Variants in PPHLN1 observed in about 807,000 individuals in gnomAD.
The protein encoded by PPHLN1 is periphilin 1.
In PPHLN1, 29 loss-of-function variants were observed where a neutral mutation model predicts 51.3. The ratio of observed to expected loss-of-function variants is 0.57; its 90% confidence interval spans 0.42 to 0.77. The LOEUF (loss-of-function observed/expected upper bound fraction) is 0.77. Among genes scored for constraint, PPHLN1 ranks in the 30% least tolerant of loss-of-function variants. The probability of loss-of-function intolerance (pLI) is 0.00; values close to 1 mark genes in which losing one functional copy is unlikely to be tolerated. For synonymous variants in PPHLN1, 147 were observed against 147.8 expected, an observed-to-expected ratio of 0.99 and a Z score of 0.04; for missense variants, 436 against 438.4, an observed-to-expected ratio of 0.99 and a Z score of 0.05.
chr12:42,356,106 T>C (rs1392953107), intron 4 of PPHLN1, among the ~76,000 whole-genome samples: 1 of 152,220 alleles, frequency 6.6e-6, no homozygotes, highest in East Asian at 1.9e-4. Context: ...ACAGTGGTGG[T>C]ATCGAAAGTT....
intron 2 of PPHLN1, among the ~76,000 whole-genome samples, chr12:42,351,012 G>A (rs560495972): frequency 2.7e-4 from 41 of 151,938 alleles, no homozygotes; most frequent in Non-Finnish European, 5.3e-4. Context: ...AGGGAGAGGG[G>A]GAGGGGAAGA....
At chr12:42,442,894 C>A (rs982002418), downstream of PPHLN1, 47 of 1,241,344 alleles carry the variant, frequency 3.8e-5, no homozygotes, top group Non-Finnish European at 4.9e-5. Flanking sequence ...GTTTCGCAGG[C>A]TCAATTAAGG....
intron 4 of PPHLN1, among the ~76,000 whole-genome samples, chr12:42,365,849 T>G (rs2075218008): frequency 6.6e-6 from 1 of 152,194 alleles, no homozygotes. Context: ...TAATCCTGGT[T>G]GTATTGTTAT....
intron 3 of PPHLN1, among the ~76,000 whole-genome samples, chr12:42,353,012 C>T (rs1425820711): frequency 1.3e-5 from 2 of 149,700 alleles, no homozygotes; most frequent in Non-Finnish European, 1.5e-5. Flanking sequence ...TTGCTTAAAC[C>T]TGGGAGGTGG....
intron 9 of PPHLN1, chr12:42,432,337 C>T: frequency 1.4e-6 from 1 of 739,200 alleles, no homozygotes; most frequent in East Asian, 2.5e-5. Flanking sequence ...GTAGGCATTC[C>T]ATTCTTAGCT....
chr12:42,360,824 A>G (rs964713458), intron 4 of PPHLN1, among the ~76,000 whole-genome samples: 3 of 151,942 alleles, frequency 2.0e-5, no homozygotes, highest in Admixed American at 2.0e-4. Flanking sequence ...TAGGCTGCAC[A>G]TGTTGTTTGT....
Position 42,338,363 on chromosome 12 carries a change from G to A in PPHLN1, c.72+2389G>A, listed in dbSNP as rs149554330. Among the ~76,000 whole-genome samples, 293 of 152,276 alleles carry A rather than the reference G, an allele frequency of 1.9e-3. 1 individual carries two copies. The highest frequency in any genetic ancestry group is 6.2e-3 in the African/African-American group (258 of 41,536). On this transcript the variant is annotated intron_variant, in intron 2 of 9. Transcript: ENST00000358314. ...ACTGGGGAAAGCAGGTTATTGTATC[G>A]ATTTAAGATTGTAAGATGAGTAGTG...
At chr12:42,439,659 A>G (rs2082777160) in intron 9 of PPHLN1, among the ~76,000 whole-genome samples, 1 of 152,148 alleles carries the variant, frequency 6.6e-6, no homozygotes, top group Admixed American at 6.5e-5. Flanking sequence ...GACTACAGAC[A>G]GTGCCATCAT....
At chr12:42,373,779 A>G (rs1357650568) in intron 4 of PPHLN1, among the ~76,000 whole-genome samples, 1 of 152,212 alleles carries the variant, frequency 6.6e-6, no homozygotes, top group Non-Finnish European at 1.5e-5. Flanking sequence ...GTATTTCTCA[A>G]TAAAGAAATT....
chr12:42,417,503 G>A (rs1669892), intron 9 of PPHLN1, among the ~76,000 whole-genome samples: 92,962 of 151,866 alleles, frequency 0.61, 28,633 homozygotes, highest in Admixed American at 0.67. Context: ...TTACATGTTG[G>A]TATGGAAGTC....
chr12:42,338,360 A>G (rs2071001427), intron 2 of PPHLN1, among the ~76,000 whole-genome samples: 1 of 152,208 alleles, frequency 6.6e-6, no homozygotes, highest in Admixed American at 6.5e-5. Context: ...AGGTTATTGT[A>G]TCGATTTAAG....
chr12:42,393,569 G>A lies in PPHLN1; in HGVS notation c.649-1G>A, dbSNP rs2077922223. On this transcript the variant is annotated splice_acceptor_variant, in intron 7 of 9. Transcript: ENST00000358314. LOFTEE classifies it high-confidence loss of function. Reference sequence around the variant, plus strand: ...TAACAGAAATGTTCTATTTTTATTAGGTGTTAGACAAACCCAGTAGGCTAA... The same window carrying A: ...TAACAGAAATGTTCTATTTTTATTAAGTGTTAGACAAACCCAGTAGGCTAA... 2 of 1,584,714 alleles carry A rather than the reference G, an allele frequency of 1.3e-6. No individual in the cohort carries two copies. The highest frequency in any genetic ancestry group is 1.7e-6 in the Non-Finnish European group (2 of 1,171,126).
chr12:42,398,544 C>T (rs1354778137), intron 8 of PPHLN1: 2 of 210,690 alleles, frequency 9.5e-6, no homozygotes, highest in African/African-American at 4.6e-5. Flanking sequence ...AAAGTAACAG[C>T]CTCACTTGCT....
chr12:42,444,780 C>G (rs2083208443), downstream of PPHLN1: 1 of 431,600 alleles, frequency 2.3e-6, no homozygotes, highest in Non-Finnish European at 4.1e-6. Flanking sequence ...TGACAAACTA[C>G]TTCAGTTCTT....
At chr12:42,399,304 C>CA in intron 9 of PPHLN1, 1 of 888,282 alleles carries the variant, frequency 1.1e-6, no homozygotes, top group Non-Finnish European at 1.4e-6. Flanking sequence ...TTCAATGTAG[C>CA]AAAATGTTAG....
intron 8 of PPHLN1, among the ~76,000 whole-genome samples, chr12:42,396,024 A>G (rs915833071): frequency 1.3e-5 from 2 of 152,108 alleles, no homozygotes; most frequent in Non-Finnish European, 2.9e-5. Flanking sequence ...GGGCTCTACT[A>G]CAGCATTTCC....
At chr12:42,440,445 T>C (rs1461075653) in intron 9 of PPHLN1, among the ~76,000 whole-genome samples, 1 of 152,248 alleles carries the variant, frequency 6.6e-6, no homozygotes, top group African/African-American at 2.4e-5. Context: ...GCTAGCTTTC[T>C]GTTGTTGAGT....
At chr12:42,403,293 A>AT (rs2079000220) in intron 9 of PPHLN1, among the ~76,000 whole-genome samples, 1 of 152,174 alleles carries the variant, frequency 6.6e-6, no homozygotes, top group Admixed American at 6.5e-5. Context: ...ACTTGTTCAG[A>AT]TTTTACATAC....
Position 42,364,747 on chromosome 12 carries a change from C to T in PPHLN1, c.299+9525C>T, listed in dbSNP as rs975449371. 2.6e-5 allele frequency among the ~76,000 whole-genome samples: 4 copies of T among 152,120 alleles called. No homozygotes were observed. In the East Asian group the frequency reaches 7.7e-4, roughly 29 times the overall value. On this transcript the variant is annotated intron_variant, in intron 4 of 9. Transcript: ENST00000358314. Reference sequence around the variant, plus strand: ...ACCAGCTTGGCCAACATGGGGAAACCCCATCTCTACTAAAAGTACAAAAAT... The same window carrying T: ...ACCAGCTTGGCCAACATGGGGAAACTCCATCTCTACTAAAAGTACAAAAAT...
Sources: gnomAD v4.1 joint callset for allele counts (sites outside exome capture counted in the v4.1 genomes callset) on GRCh38, gnomAD v4.1.1 for gene constraint, MANE v1.5 for transcripts, NCBI Gene and HGNC (gene_info 2026-07-23, HGNC 2026-07-21) for gene names.